The following GPR39 variants were observed in gnomAD, a reference collection of about 807,000 sequenced individuals.
GPR39 encodes zinc sensing receptor.
In GPR39, 23 loss-of-function variants were observed where a neutral mutation model predicts 18.4. The ratio of observed to expected loss-of-function variants is 1.25; its 90% CI spans 0.90 to 1.77. The LOEUF (loss-of-function observed/expected upper bound fraction) is 1.77. Among genes scored for constraint, GPR39 ranks in the 40% most tolerant of loss-of-function variants. The pLI is 0.00. For missense variants in GPR39, 647 were observed against 602.4 expected (o/e 1.07, Z -0.78); for synonymous variants, 280 against 257.9 (o/e 1.09, Z -0.82).
intron 1 of GPR39, among the ~76,000 whole-genome samples, chr2:132,619,110 C>T (rs1042531338): frequency 3.3e-5 from 5 of 152,194 alleles, no homozygotes; most frequent in African/African-American, 9.6e-5. Flanking sequence ...GTTCCTGATG[C>T]AGGGTCTGCA....
rs1341007213 is a variant in GPR39, at chr2:132,416,946, A to C, written c.-97A>C. The C allele has an allele frequency of 1.4e-6, 2 of 1,438,926 alleles. No individual in the cohort carries two copies. The highest frequency in any genetic ancestry group is 1.9e-6 in the Non-Finnish European group (2 of 1,058,574). The allele number at this position is 1,438,926 out of a possible 1,614,324, so 89.1% of individuals were successfully genotyped here. ...TCGAGTGAGATAAAATCGTGCGCCC[A>C]CGCAGGTGAGTTTGCAGCCAAGAAT... On this transcript the variant is annotated 5_prime_UTR_variant, in exon 1 of 2. Transcript: ENST00000329321.
intron 1 of GPR39, among the ~76,000 whole-genome samples, chr2:132,517,299 A>T (rs1181166333): frequency 6.6e-6 from 1 of 151,936 alleles, no homozygotes; most frequent in Non-Finnish European, 1.5e-5. Context: ...ATTTTGGGGG[A>T]GGTTAGTTGG....
chr2:132,461,763 A>T (rs555041561), intron 1 of GPR39, among the ~76,000 whole-genome samples: 1 of 152,324 alleles, frequency 6.6e-6, no homozygotes, highest in East Asian at 1.9e-4. Flanking sequence ...TGATTATATT[A>T]GTTCAATAAG....
intron 1 of GPR39, among the ~76,000 whole-genome samples, chr2:132,622,322 A>T (rs1681456817): frequency 6.6e-6 from 1 of 152,146 alleles, no homozygotes; most frequent in South Asian, 2.1e-4. Context: ...TGAAACTGGG[A>T]GGCGGAGGTT....
intron 1 of GPR39, among the ~76,000 whole-genome samples, chr2:132,588,605 A>T (rs1372049272): frequency 6.6e-6 from 1 of 152,012 alleles, no homozygotes; most frequent in Non-Finnish European, 1.5e-5. Context: ...ACTGCTTGTC[A>T]TTTTCCTTCC....
intron 1 of GPR39, among the ~76,000 whole-genome samples, chr2:132,591,402 C>A (rs1280083889): frequency 6.6e-6 from 1 of 151,996 alleles, no homozygotes; most frequent in African/African-American, 2.4e-5. Context: ...TTTTGGTCTC[C>A]TGGACTTACA....
intron 1 of GPR39, among the ~76,000 whole-genome samples, chr2:132,604,226 G>C (rs1681094765): frequency 6.6e-6 from 1 of 152,010 alleles, no homozygotes; most frequent in South Asian, 2.1e-4. Flanking sequence ...TTCTCCTTCT[G>C]TCTTCCCTCA....
intron 1 of GPR39, among the ~76,000 whole-genome samples, chr2:132,596,535 C>T (rs1297655254): frequency 2.0e-5 from 3 of 152,120 alleles, no homozygotes; most frequent in Admixed American, 1.3e-4. Context: ...ATTCCTTTCC[C>T]CAGTCCCATT....
At chr2:132,422,190 T>C (rs201377885) in intron 1 of GPR39, among the ~76,000 whole-genome samples, 2 of 152,228 alleles carry the variant, frequency 1.3e-5, no homozygotes, top group East Asian at 3.9e-4. Context: ...GTTATTTAAA[T>C]CACCCTCATG....
intron 1 of GPR39, among the ~76,000 whole-genome samples, chr2:132,464,311 C>T (rs999286441): frequency 1.4e-4 from 21 of 152,190 alleles, no homozygotes; most frequent in African/African-American, 5.1e-4. Flanking sequence ...TTTAACATAG[C>T]AGCCTTGAAG....
chr2:132,627,436 C>A (rs1321982276), intron 1 of GPR39, among the ~76,000 whole-genome samples: 1 of 152,096 alleles, frequency 6.6e-6, no homozygotes, highest in East Asian at 1.9e-4. Flanking sequence ...TACCTCAAAC[C>A]CAGGATTCTA....
At chr2:132,529,951 C>T (rs995422200) in intron 1 of GPR39, among the ~76,000 whole-genome samples, 1 of 152,186 alleles carries the variant, frequency 6.6e-6, no homozygotes, top group African/African-American at 2.4e-5. Context: ...AGCGCCTCTC[C>T]TCCTCCAAAG....
intron 1 of GPR39, among the ~76,000 whole-genome samples, chr2:132,540,226 A>C (rs545372814): frequency 1.3e-5 from 2 of 150,130 alleles, no homozygotes; most frequent in South Asian, 4.2e-4. Context: ...AAAACTTAAA[A>C]TTGTCATACT....
chr2:132,493,239 TACACCATATATAC>T (rs1319061411), intron 1 of GPR39, among the ~76,000 whole-genome samples: 1 of 144,706 alleles, frequency 6.9e-6, no homozygotes, highest in African/African-American at 2.6e-5. Context: ...ACCATATATA[TACACCATATATAC>T]ACCATATATA....
At position 132,645,466 on chromosome 2, in the gene GPR39, A is replaced by AT. The variant is rs763862596; in HGVS notation, c.1226dup (p.Ser411LysfsTer12). 3.5e-5 allele frequency: 57 copies of AT among 1,613,922 alleles called. No homozygotes were observed. The East Asian group carries it at 1.2e-3, about 35-fold the overall frequency. On this transcript the variant is annotated frameshift_variant, in exon 2 of 2. Coordinates refer to ENST00000329321, the MANE Select transcript of GPR39 (RefSeq NM_001508.3). LOFTEE classifies it low-confidence loss of function (END_TRUNC). ...GTCCTCTGCAAGGAGAACTGAGAAG[A>AT]TTTTCTTAAGCACTTTTCAGAGCGA...
At chr2:132,437,274 T>C (rs1441136986) in intron 1 of GPR39, among the ~76,000 whole-genome samples, 3 of 152,246 alleles carry the variant, frequency 2.0e-5, no homozygotes, top group Non-Finnish European at 4.4e-5. Flanking sequence ...TTTTCTCTTC[T>C]ATTCATTTCA....
chr2:132,513,544 TG>T (rs555472009), intron 1 of GPR39, among the ~76,000 whole-genome samples: 3,677 of 152,234 alleles, frequency 0.024, 142 homozygotes, highest in African/African-American at 0.083. Flanking sequence ...GGCGGCAGCT[TG>T]GGAAGTCTGT....
chr2:132,553,219 C>T (rs1462706399), intron 1 of GPR39, among the ~76,000 whole-genome samples: 1 of 151,362 alleles, frequency 6.6e-6, no homozygotes, highest in Admixed American at 6.6e-5. Flanking sequence ...AGCCACATAT[C>T]TATGTATATT....
At chr2:132,636,884 G>A (rs970763650) in intron 1 of GPR39, among the ~76,000 whole-genome samples, 8 of 152,138 alleles carry the variant, frequency 5.3e-5, no homozygotes, top group East Asian at 1.9e-4. Flanking sequence ...TCCCCGGTGG[G>A]CTTGGAGGAC....
Sources: gnomAD v4.1 joint callset for allele counts (sites outside exome capture counted in the v4.1 genomes callset) on GRCh38, gnomAD v4.1.1 for gene constraint, MANE v1.5 for transcripts, NCBI Gene and HGNC (gene_info 2026-07-23, HGNC 2026-07-21) for gene names.